CELF2: variants seen among roughly 807,000 people sequenced by gnomAD.
The protein encoded by CELF2 is CUGBP Elav-like family member 2, also known as CUG triplet repeat RNA-binding protein 2.
A neutral mutation model predicts 62.6 loss-of-function variants in CELF2; 8 were observed. The observed-to-expected ratio is 0.13, with a 90% CI of 0.07 to 0.23. The LOEUF (loss-of-function observed/expected upper bound fraction) is 0.23, where lower values mean the gene tolerates loss of function less well. Among genes scored for constraint, CELF2 ranks in the 10% least tolerant of loss-of-function variants. The probability of loss-of-function intolerance (pLI) is 1.00; values close to 1 mark genes in which losing one functional copy is unlikely to be tolerated. For synonymous variants in CELF2, 258 were observed against 250.0 expected (o/e 1.03, Z -0.30); for missense variants, 333 against 671.0 (o/e 0.50, Z 5.56).
the CELF2 span, among the ~76,000 whole-genome samples, chr10:10,673,519 T>G: frequency 6.6e-6 from 1 of 152,158 alleles, no homozygotes; most frequent in Non-Finnish European, 1.5e-5. Flanking sequence ...ATAGAGTTTC[T>G]ATTTTCAATT....
At chr10:11,146,338 A>C (rs988649958) in intron 1 of CELF2, among the ~76,000 whole-genome samples, 2 of 152,248 alleles carry the variant, frequency 1.3e-5, no homozygotes, top group Non-Finnish European at 1.5e-5. Context: ...CTACCAGAGT[A>C]TCTTTTCGAA....
At chr10:10,776,111 C>A in the CELF2 span, 1 of 152,712 alleles carries the variant, frequency 6.5e-6, no homozygotes. Flanking sequence ...AACGTAAATA[C>A]CTCCCATTTC....
chr10:10,507,856 C>T, the CELF2 span, among the ~76,000 whole-genome samples: 1 of 152,140 alleles, frequency 6.6e-6, no homozygotes, highest in Non-Finnish European at 1.5e-5. Context: ...CAGATGTGAT[C>T]TTTAATATTG....
chr10:11,026,271 G>T lies in CELF2; in HGVS notation c.74+8108G>T, dbSNP rs116070351. On this transcript the variant is annotated intron_variant, in intron 1 of 12. Transcript: ENST00000633077. Reference sequence around the variant, plus strand: ...CCTTGAAATTTTTATTGTCTAATGGGAGTCCAGCATATAAACTGAACACTT... The same window carrying T: ...CCTTGAAATTTTTATTGTCTAATGGTAGTCCAGCATATAAACTGAACACTT... Among the ~76,000 whole-genome samples the T allele has an allele frequency of 7.7e-3, 1,176 of 152,234 alleles. 11 individuals are homozygous for T. The highest frequency in any genetic ancestry group is 0.027 in the African/African-American group (1,124 of 41,536).
At position 11,052,082 on chromosome 10, in the gene CELF2, T is replaced by C. The variant is rs374381720; in HGVS notation, c.74+33919T>C. 2.9e-4 allele frequency among the ~76,000 whole-genome samples: 44 copies of C among 152,140 alleles called. No individual in the cohort carries two copies. The East Asian group carries it at 4.3e-3, about 15-fold the overall frequency. ...TGCCACGCTGGCTAATTAGGTATTTTACAGTCTTGTCATGAGCCCCAAAAT... is the reference window on the plus strand; with the variant it reads ...TGCCACGCTGGCTAATTAGGTATTTCACAGTCTTGTCATGAGCCCCAAAAT... On this transcript the variant is annotated intron_variant, in intron 1 of 12. Transcript: ENST00000633077.
At chr10:10,753,568 G>A in the CELF2 span, among the ~76,000 whole-genome samples, 38 of 152,136 alleles carry the variant, frequency 2.5e-4, no homozygotes, top group African/African-American at 7.7e-4. Context: ...TCCAAGGACC[G>A]GGAAACACAC....
intron 1 of CELF2, among the ~76,000 whole-genome samples, chr10:11,049,260 C>A (rs2063450220): frequency 6.7e-6 from 1 of 149,894 alleles, no homozygotes; most frequent in South Asian, 2.1e-4. Context: ...TTACAACTTC[C>A]TAAGTTAAGC....
chr10:10,511,178 G>T, the CELF2 span, among the ~76,000 whole-genome samples: 5 of 152,206 alleles, frequency 3.3e-5, no homozygotes. Context: ...GGGAGGCCAA[G>T]GTGGACAGAT....
the CELF2 span, among the ~76,000 whole-genome samples, chr10:10,540,603 G>C: frequency 3.9e-5 from 6 of 152,110 alleles, no homozygotes; most frequent in African/African-American, 1.4e-4. Context: ...GATTCTCCCA[G>C]GCCAAATCAG....
the CELF2 span, among the ~76,000 whole-genome samples, chr10:10,707,660 T>C: frequency 2.0e-5 from 3 of 152,216 alleles, no homozygotes; most frequent in African/African-American, 7.2e-5. Flanking sequence ...GCGGACGAAA[T>C]GACCATCTGT....
At chr10:10,584,674 G>A in the CELF2 span, among the ~76,000 whole-genome samples, 1 of 152,088 alleles carries the variant, frequency 6.6e-6, no homozygotes, top group Admixed American at 6.6e-5. Flanking sequence ...TAACAATATC[G>A]ATTCTTGTAA....
intron 1 of CELF2, among the ~76,000 whole-genome samples, chr10:11,037,238 C>T (rs2061103883): frequency 6.6e-6 from 1 of 152,196 alleles, no homozygotes; most frequent in South Asian, 2.1e-4. Flanking sequence ...CAGGGGAGCT[C>T]CCCTTTATAA....
intron 1 of CELF2, among the ~76,000 whole-genome samples, chr10:10,835,261 T>C (rs1286086028): frequency 6.6e-6 from 1 of 152,128 alleles, no homozygotes; most frequent in Non-Finnish European, 1.5e-5. Flanking sequence ...TTATTTTTTA[T>C]TATTATTTTT....
chr10:10,641,701 G>A, the CELF2 span, among the ~76,000 whole-genome samples: 9 of 152,070 alleles, frequency 5.9e-5, no homozygotes, highest in South Asian at 2.1e-4. Flanking sequence ...TGCCCGCCTC[G>A]GCCTCCCAAA....
At chr10:11,019,351 A>G (rs1407876021) in intron 1 of CELF2, among the ~76,000 whole-genome samples, 1 of 152,212 alleles carries the variant, frequency 6.6e-6, no homozygotes, top group Non-Finnish European at 1.5e-5. Flanking sequence ...TGGTATGGTA[A>G]GAGTGCGTGT....
rs903166445 is a variant in CELF2, at chr10:11,268,412, C to G, written c.618+1735C>G. Among the ~76,000 whole-genome samples, 6 of 152,104 alleles carry G rather than the reference C, an allele frequency of 3.9e-5. No homozygotes were observed. The highest frequency in any genetic ancestry group is 7.2e-5 in the African/African-American group (3 of 41,418). Reference sequence around the variant, plus strand: ...CCCATTCCTTCCCTTGGAGCCCCCCCAGTAATGCTCAGAGAGCCACGGACA... The same window carrying G: ...CCCATTCCTTCCCTTGGAGCCCCCCGAGTAATGCTCAGAGAGCCACGGACA... On this transcript the variant is annotated intron_variant, in intron 6 of 12. Coordinates refer to ENST00000633077, the MANE Select transcript of CELF2 (RefSeq NM_001326342.2). The surrounding 1 kb of genome is among the most constrained non-coding windows in gnomAD (Gnocchi z 4.7).
intron 12 of CELF2, among the ~76,000 whole-genome samples, chr10:11,326,878 AACAC>A (rs1235928978): frequency 2.6e-5 from 4 of 152,184 alleles, no homozygotes; most frequent in Non-Finnish European, 5.9e-5. Context: ...GGCTGGAGGA[AACAC>A]ACAGAATTCT....
intron 2 of CELF2, among the ~76,000 whole-genome samples, chr10:10,994,590 C>G (rs1232681532): frequency 1.3e-5 from 2 of 152,192 alleles, no homozygotes; most frequent in Non-Finnish European, 2.9e-5. Context: ...TCAGCAGCAG[C>G]ATTCTATTCT....
At chr10:11,104,123 G>A (rs2052665143) in intron 1 of CELF2, among the ~76,000 whole-genome samples, 1 of 152,122 alleles carries the variant, frequency 6.6e-6, no homozygotes. Context: ...ATTAAACCAT[G>A]TTTAATATAC....
Sources: allele counts gnomAD v4.1 joint callset (sites outside exome capture counted in the v4.1 genomes callset), GRCh38; gene constraint gnomAD v4.1.1; non-coding constraint Gnocchi (gnomAD v3.1); transcripts MANE v1.5; gene names NCBI Gene and HGNC (gene_info 2026-07-23, HGNC 2026-07-21).